The following FRMD3 variants were observed in gnomAD, a reference collection of about 807,000 sequenced individuals.
FRMD3 encodes FERM domain containing 3.
Under a neutral mutation model 70.2 loss-of-function variants are expected in FRMD3, and 33 were observed. The observed-to-expected ratio is 0.47, with a 90% CI of 0.36 to 0.63. The LOEUF (loss-of-function observed/expected upper bound fraction) is 0.63. FRMD3 is among the 20% of genes least tolerant of loss of function. The pLI is 0.00. For synonymous variants in FRMD3, 279 were observed against 255.9 expected, an observed-to-expected ratio of 1.09 and a Z score of -0.86; for missense variants, 632 against 711.4, an observed-to-expected ratio of 0.89 and a Z score of 1.27.
chr9:83,522,477 A>T (rs921825174), intron 1 of FRMD3, among the ~76,000 whole-genome samples: 1 of 152,034 alleles, frequency 6.6e-6, no homozygotes, highest in South Asian at 2.1e-4. Context: ...AATGGCTAAC[A>T]TGGTAAATTC....
At chr9:83,377,739 T>C (rs1825194382) in intron 2 of FRMD3, among the ~76,000 whole-genome samples, 1 of 152,136 alleles carries the variant, frequency 6.6e-6, no homozygotes, top group Admixed American at 6.5e-5. Flanking sequence ...ATGGTTCCTG[T>C]ACAGCCTTCA....
At chr9:83,291,509 G>T (rs917060421) in intron 12 of FRMD3, among the ~76,000 whole-genome samples, 1 of 152,118 alleles carries the variant, frequency 6.6e-6, no homozygotes, top group South Asian at 2.1e-4. Flanking sequence ...CTTTAAAAAG[G>T]AGTCAAATGT....
At chr9:83,544,489 C>CT in the FRMD3 span, among the ~76,000 whole-genome samples, 2 of 152,110 alleles carry the variant, frequency 1.3e-5, no homozygotes, top group Non-Finnish European at 2.9e-5. Context: ...CAGATAATTG[C>CT]CTGTGACAAC....
intron 1 of FRMD3, among the ~76,000 whole-genome samples, chr9:83,526,201 C>T (rs1343234983): frequency 6.6e-6 from 1 of 152,170 alleles, no homozygotes; most frequent in African/African-American, 2.4e-5. Flanking sequence ...GCTTAGGGAC[C>T]CGTGCCTAAA....
the FRMD3 span, among the ~76,000 whole-genome samples, chr9:83,570,942 G>C: frequency 6.6e-6 from 1 of 152,140 alleles, no homozygotes; most frequent in Non-Finnish European, 1.5e-5. Context: ...TAAGGTAAAA[G>C]AAAAGTCAAA....
the FRMD3 span, among the ~76,000 whole-genome samples, chr9:83,572,884 T>C: frequency 6.6e-6 from 1 of 152,238 alleles, no homozygotes; most frequent in African/African-American, 2.4e-5. Context: ...AAATACTTTC[T>C]ACATTTATCT....
intron 1 of FRMD3, among the ~76,000 whole-genome samples, chr9:83,470,791 A>G (rs1828249709): frequency 6.6e-6 from 1 of 152,222 alleles, no homozygotes; most frequent in Non-Finnish European, 1.5e-5. Context: ...ATAAATGAAT[A>G]TTTGCAGGCT....
intron 1 of FRMD3, among the ~76,000 whole-genome samples, chr9:83,470,178 G>A (rs1828234698): frequency 6.6e-6 from 1 of 152,164 alleles, no homozygotes; most frequent in Non-Finnish European, 1.5e-5. Context: ...CCAGATTCCA[G>A]CTGCTCTGAA....
chr9:83,305,356 A>G (rs1239691976), intron 10 of FRMD3, among the ~76,000 whole-genome samples: 1 of 152,182 alleles, frequency 6.6e-6, no homozygotes, highest in Non-Finnish European at 1.5e-5. Flanking sequence ...CTGCTCATCA[A>G]TGGTTCATAT....
chr9:83,509,626 G>A (rs546819444), intron 1 of FRMD3, among the ~76,000 whole-genome samples: 3 of 152,278 alleles, frequency 2.0e-5, no homozygotes, highest in Non-Finnish European at 4.4e-5. Context: ...TTGGATTCCT[G>A]GCACACTCCC....
At chr9:83,502,771 A>G (rs1829099477) in intron 1 of FRMD3, among the ~76,000 whole-genome samples, 1 of 152,224 alleles carries the variant, frequency 6.6e-6, no homozygotes, top group African/African-American at 2.4e-5. Flanking sequence ...AGAAGCTTTA[A>G]TGATCATATA....
the FRMD3 span, among the ~76,000 whole-genome samples, chr9:83,563,851 C>T: frequency 6.6e-6 from 1 of 152,148 alleles, no homozygotes; most frequent in Non-Finnish European, 1.5e-5. Context: ...AGTACTCTCA[C>T]CTGCATTACT....
At chr9:83,378,830 T>C (rs1411764474) in intron 2 of FRMD3, among the ~76,000 whole-genome samples, 2 of 133,360 alleles carry the variant, frequency 1.5e-5, no homozygotes, top group Non-Finnish European at 3.1e-5. Context: ...TTTATATAAA[T>C]ATATATACTA....
intron 12 of FRMD3, among the ~76,000 whole-genome samples, chr9:83,296,010 C>T (rs1378932651): frequency 2.6e-5 from 4 of 152,222 alleles, no homozygotes; most frequent in African/African-American, 4.8e-5. Context: ...AGTCTGTGAA[C>T]TTGGCATTAT....
chr9:83,571,202 C>A, the FRMD3 span, among the ~76,000 whole-genome samples: 1 of 152,254 alleles, frequency 6.6e-6, no homozygotes, highest in Non-Finnish European at 1.5e-5. Flanking sequence ...TCTCTTGCTT[C>A]CCCTCTCCCA....
chr9:83,378,177 G>A (rs1310689224), intron 2 of FRMD3, among the ~76,000 whole-genome samples: 2 of 151,856 alleles, frequency 1.3e-5, no homozygotes, highest in East Asian at 3.9e-4. Context: ...AGCACTGGCT[G>A]TTACCATCTT....
At chr9:83,389,567 T>C (rs1825607167) in intron 2 of FRMD3, 37 bp downstream of exon 2, 1 of 1,396,710 alleles carries the variant, frequency 7.2e-7, no homozygotes, top group Non-Finnish European at 1.0e-6. Context: ...TCTGGGTCAC[T>C]CCCTGAAAAT....
chr9:83,554,937 T>C, the FRMD3 span, among the ~76,000 whole-genome samples: 3 of 152,168 alleles, frequency 2.0e-5, no homozygotes, highest in African/African-American at 7.2e-5. Flanking sequence ...AACCTCGAGG[T>C]ATCACAAGTG....
At chr9:83,524,748 T>C (rs1333999055) in intron 1 of FRMD3, among the ~76,000 whole-genome samples, 1 of 152,182 alleles carries the variant, frequency 6.6e-6, no homozygotes, top group East Asian at 1.9e-4. Context: ...AATCAATTAA[T>C]ACATATTATC....
Sources: allele counts gnomAD v4.1 joint callset (sites outside exome capture counted in the v4.1 genomes callset), GRCh38; gene constraint gnomAD v4.1.1; transcripts MANE v1.5; gene names NCBI Gene and HGNC (gene_info 2026-07-23, HGNC 2026-07-21).